Variants in NBEA observed in about 807,000 individuals in gnomAD.
NBEA encodes lysosomal-trafficking regulator 2.
A neutral mutation model predicts 343.4 loss-of-function variants in NBEA; 44 were observed. The observed-to-expected ratio is 0.13, with a 90% CI of 0.10 to 0.16. NBEA has a LOEUF of 0.16. Among genes scored for constraint, NBEA ranks in the 10% least tolerant of loss-of-function variants. The pLI, the probability that NBEA is intolerant of heterozygous loss-of-function variation, is 1.00. For synonymous variants in NBEA, 1,175 were observed against 1,238.7 expected (o/e 0.95, Z 1.08); for missense variants, 2,555 against 3,631.3 (o/e 0.70, Z 7.62).
chr13:35,003,601 T>C (rs184930076), intron 1 of NBEA, among the ~76,000 whole-genome samples: 28 of 152,298 alleles, frequency 1.8e-4, no homozygotes, highest in Admixed American at 2.6e-4. Flanking sequence ...TTTCAGTTCA[T>C]AGATATGGAA....
chr13:35,385,022 G>A lies in NBEA; in HGVS notation c.6179+32699G>A, dbSNP rs75192471. On this transcript the variant is annotated intron_variant, in intron 38 of 58. Coordinates refer to ENST00000379939, the MANE Select transcript of NBEA (RefSeq NM_001385012.1). ...CGAAAGTATACTCCTGCTACTGTTG[G>A]CTCAGATGTCCTGTGTTTTAAACAC... 5.6e-4 allele frequency among the ~76,000 whole-genome samples: 85 copies of A among 152,124 alleles called. No individual in the cohort carries two copies. In the East Asian group the frequency reaches 0.016, roughly 29 times the overall value.
At chr13:35,229,405 C>T (rs1470650916) in intron 33 of NBEA, among the ~76,000 whole-genome samples, 1 of 152,024 alleles carries the variant, frequency 6.6e-6, no homozygotes, top group Non-Finnish European at 1.5e-5. Context: ...GAATTTTCCC[C>T]TAAAGTCAGT....
At chr13:35,255,457 A>G (rs7333235) in intron 34 of NBEA, among the ~76,000 whole-genome samples, 1,890 of 152,360 alleles carry the variant, frequency 0.012, 34 homozygotes, top group African/African-American at 0.043. Context: ...CAGTGGGTGC[A>G]TGAGCGGGCA....
At chr13:35,207,597 AACTG>A (rs1302132280) in intron 31 of NBEA, among the ~76,000 whole-genome samples, 6 of 152,156 alleles carry the variant, frequency 3.9e-5, no homozygotes, top group African/African-American at 1.2e-4. Context: ...CATTTTTAAA[AACTG>A]ACTAATATCC....
At position 35,648,725 on chromosome 13, in the gene NBEA, G is replaced by T. The variant is rs755508487; in HGVS notation, c.7771-930G>T. ...TTATGTTTTTAATATGGTGGTATTT[G>T]TAGTGTTTTGTAGGACTTACAGTAT... is the stretch of plus-strand genomic sequence containing the variant. On this transcript the variant is annotated intron_variant, in intron 51 of 58. Coordinates refer to ENST00000379939, the MANE Select transcript of NBEA (RefSeq NM_001385012.1). Among the ~76,000 whole-genome samples, 106 of 152,076 alleles carry T rather than the reference G, an allele frequency of 7.0e-4. 1 individual carries two copies. Among genetic ancestry groups the T allele is most frequent in the Non-Finnish European group, 1.3e-3 (87 of 68,018 alleles).
intron 47 of NBEA, among the ~76,000 whole-genome samples, chr13:35,605,794 A>G (rs1364826791): frequency 6.6e-6 from 1 of 152,194 alleles, no homozygotes; most frequent in Non-Finnish European, 1.5e-5. Context: ...TTGTCTTTGC[A>G]TCCAATTTAT....
intron 34 of NBEA, among the ~76,000 whole-genome samples, chr13:35,240,783 T>C (rs1018335373): frequency 6.6e-6 from 1 of 151,728 alleles, no homozygotes; most frequent in African/African-American, 2.4e-5. Context: ...TTGTTATAAG[T>C]AGGGAGAGGG....
At chr13:35,146,744 A>G (rs145737050) in intron 18 of NBEA, among the ~76,000 whole-genome samples, 247 of 152,318 alleles carry the variant, frequency 1.6e-3, no homozygotes, top group Admixed American at 4.4e-3. Flanking sequence ...GATGCTGCTT[A>G]TAGTGACTGC....
intron 41 of NBEA, among the ~76,000 whole-genome samples, chr13:35,518,862 G>A (rs1273219756): frequency 3.9e-5 from 6 of 152,132 alleles, no homozygotes; most frequent in African/African-American, 7.2e-5. Flanking sequence ...CCTCATAGAG[G>A]CTGACACTTT....
intron 39 of NBEA, among the ~76,000 whole-genome samples, chr13:35,446,245 T>G (rs1325501141): frequency 6.6e-6 from 1 of 152,170 alleles, no homozygotes; most frequent in Non-Finnish European, 1.5e-5. Context: ...GTTCCAAGTC[T>G]TTGCTATTGT....
intron 51 of NBEA, among the ~76,000 whole-genome samples, chr13:35,647,477 T>C (rs746210100): frequency 2.6e-5 from 4 of 152,232 alleles, no homozygotes; most frequent in Non-Finnish European, 5.9e-5. Flanking sequence ...GTATGTCAGA[T>C]CTGATGCTAA....
chr13:34,999,221 A>G (rs1478088475), intron 1 of NBEA, among the ~76,000 whole-genome samples: 1 of 152,170 alleles, frequency 6.6e-6, no homozygotes, highest in Non-Finnish European at 1.5e-5. Flanking sequence ...TTTTGTGGGT[A>G]TATAATATGG....
rs948092357 is a variant in NBEA, at chr13:35,472,349, C to G, written c.6449-51C>G. On this transcript the variant is annotated intron_variant, in intron 40 of 58. Coordinates refer to ENST00000379939, the MANE Select transcript of NBEA (RefSeq NM_001385012.1). ...CCTCTGGTACCTTTCTGGGAGGGAGCAGGAAGGGCCACAGGGGCTCAGCCT... is the reference window on the plus strand; with the variant it reads ...CCTCTGGTACCTTTCTGGGAGGGAGGAGGAAGGGCCACAGGGGCTCAGCCT... 8.9e-6 allele frequency: 14 copies of G among 1,580,182 alleles called. No individual in the cohort carries two copies. In the Middle Eastern group the frequency reaches 1.3e-3, roughly 144 times the overall value.
chr13:35,159,164 T>C lies in NBEA; in HGVS notation c.2993T>C (p.Met998Thr). 6.2e-7 allele frequency: 1 copy of C among 1,613,510 alleles called. No homozygotes were observed. The highest frequency in any genetic ancestry group is 1.1e-5 in the South Asian group (1 of 91,058). ...SSQTTGAKGGMEIREIEDLSQ... is the reference protein window; with the variant it reads ...SSQTTGAKGGTEIREIEDLSQ... ...CAGACAACAGGAGCAAAAGGTGGAATGGAAATTCGAGAGATAGAAGATCTT... is the reference window on the plus strand; with the variant it reads ...CAGACAACAGGAGCAAAAGGTGGAACGGAAATTCGAGAGATAGAAGATCTT... Residue 998 changes from methionine (M) to threonine (T), a missense_variant, in exon 22 of 59, where the codon ATG becomes ACG. Physicochemically the swap from Met to Thr is moderately conservative, Grantham distance 81. Coordinates refer to ENST00000379939, the MANE Select transcript of NBEA (RefSeq NM_001385012.1).
chr13:35,425,842 G>A (rs1201492138), intron 38 of NBEA, among the ~76,000 whole-genome samples: 1 of 152,156 alleles, frequency 6.6e-6, no homozygotes. Flanking sequence ...TGTATTGGGT[G>A]CATATATATT....
chr13:35,067,580 A>G (rs543354663), intron 8 of NBEA, among the ~76,000 whole-genome samples: 2 of 152,204 alleles, frequency 1.3e-5, no homozygotes, highest in South Asian at 4.1e-4. Flanking sequence ...GAAGGATCCT[A>G]CCTGCCTATT....
At chr13:35,192,070 T>C (rs1479644175) in intron 30 of NBEA, among the ~76,000 whole-genome samples, 1 of 152,120 alleles carries the variant, frequency 6.6e-6, no homozygotes, top group Non-Finnish European at 1.5e-5. Context: ...TGGCTAGTAA[T>C]GTTTCTGCTC....
chr13:35,384,660 G>C (rs73502729), intron 38 of NBEA, among the ~76,000 whole-genome samples: 3 of 150,932 alleles, frequency 2.0e-5, no homozygotes, highest in Non-Finnish European at 2.9e-5. Context: ...TGAGTAGCTA[G>C]AATTACAAGC....
intron 1 of NBEA, among the ~76,000 whole-genome samples, chr13:34,988,564 C>T (rs911651651): frequency 3.3e-5 from 5 of 150,998 alleles, no homozygotes; most frequent in Non-Finnish European, 7.4e-5. Context: ...GCTGTGCTAG[C>T]AGTGAGCAAG....
Sources: gnomAD v4.1 joint callset for allele counts (sites outside exome capture counted in the v4.1 genomes callset) on GRCh38, gnomAD v4.1.1 for gene constraint, MANE v1.5 for transcripts, NCBI Gene and HGNC (gene_info 2026-07-23, HGNC 2026-07-21) for gene names.